Variants in SLC44A5 observed in about 807,000 individuals in gnomAD.
SLC44A5 encodes the protein choline transporter-like protein 5.
In SLC44A5, 57 loss-of-function variants were observed where a neutral mutation model predicts 101.8. That is an observed-to-expected ratio of 0.56 (90% confidence interval 0.45 to 0.70). SLC44A5 has a LOEUF of 0.70. Among genes scored for constraint, SLC44A5 ranks in the 30% least tolerant of loss-of-function variants. The pLI, the probability that SLC44A5 is intolerant of heterozygous loss-of-function variation, is 0.00. For missense variants in SLC44A5, 737 were observed against 853.1 expected, an observed-to-expected ratio of 0.86 and a Z score of 1.70; for synonymous variants, 281 against 290.9, an observed-to-expected ratio of 0.97 and a Z score of 0.35.
chr1:75,578,224 T>A (rs974370159), intron 1 of SLC44A5, among the ~76,000 whole-genome samples: 1 of 152,138 alleles, frequency 6.6e-6, no homozygotes, highest in African/African-American at 2.4e-5. Context: ...TGGTTCTGTA[T>A]TCATTTTTTA....
Position 75,537,033 on chromosome 1 carries a change from A to ATATATATAT in SLC44A5, c.13+4401_13+4402insATATATATA, listed in dbSNP as rs568318690. Reference sequence around the variant, plus strand: ...AAAAAAAAAAAAAAAAAAAAAAAAAAATATATATCTATGCCAAATGATTCT... The same window carrying ATATATATAT: ...AAAAAAAAAAAAAAAAAAAAAAAAAATATATATATATATATATCTATGCCAAATGATTCT... On this transcript the variant is annotated intron_variant, in intron 2 of 23. Coordinates refer to ENST00000370859, the MANE Select transcript of SLC44A5 (RefSeq NM_001130058.2). 3.9e-4 allele frequency among the ~76,000 whole-genome samples: 17 copies of ATATATATAT among 43,044 alleles called. 1 individual carries two copies. Among genetic ancestry groups the ATATATATAT allele is most frequent in the South Asian group, 1.1e-3 (1 of 910 alleles). 28.2% of individuals were successfully genotyped at this position (43,044 alleles called of 152,430 possible). A position where few individuals can be genotyped will look rare whatever the true frequency, so the allele number is the denominator to read the frequency against.
At chr1:75,283,445 G>A (rs1446882042) in intron 5 of SLC44A5, among the ~76,000 whole-genome samples, 2 of 152,104 alleles carry the variant, frequency 1.3e-5, no homozygotes, top group Non-Finnish European at 2.9e-5. Context: ...CCAACTCTGT[G>A]TGTTGTCTGT....
rs368912315 is a variant in SLC44A5, at chr1:75,275,016, C to A, written c.202G>T (p.Ala68Ser). 17 of 1,612,746 alleles carry A rather than the reference C, an allele frequency of 1.1e-5. No individual in the cohort carries two copies. The highest frequency in any genetic ancestry group is 1.4e-5 in the Non-Finnish European group (17 of 1,179,428). The change falls in exon 6 of 24, where the codon GCA (alanine) becomes TCA (serine). Residue 68 changes from alanine (A) to serine (S), a missense_variant. Around this residue, in one of 3 missense-constraint regions of SLC44A5, gnomAD observed 665 missense variants for 764.4 expected, o/e 0.87. Coordinates refer to ENST00000370859, the MANE Select transcript of SLC44A5 (RefSeq NM_001130058.2). ...VAWVHGDPRR[A>S]AYPTDSQGHF... ...CCCTGGCTGTCTGTAGGATAGGCTG[C>A]TCTTCTGGGGTCCCCATGTACCCAG...
At chr1:75,267,505 T>A (rs942372570) in intron 6 of SLC44A5, among the ~76,000 whole-genome samples, 5 of 152,150 alleles carry the variant, frequency 3.3e-5, no homozygotes, top group Non-Finnish European at 4.4e-5. Flanking sequence ...ATACTCAATT[T>A]TCTGTCATGA....
intron 2 of SLC44A5, among the ~76,000 whole-genome samples, chr1:75,536,972 C>CCGCAG (rs1398894258): frequency 8.7e-6 from 1 of 115,176 alleles, no homozygotes; most frequent in African/African-American, 3.3e-5. Flanking sequence ...CGCCACTGCA[C>CCGCAG]TCCAGCCTGG....
At chr1:75,641,928 T>C in the SLC44A5 span, 3 of 1,606,164 alleles carry the variant, frequency 1.9e-6, no homozygotes. Context: ...GATTTGGATT[T>C]CTTTGCCATG....
intron 2 of SLC44A5, among the ~76,000 whole-genome samples, chr1:75,469,322 A>G (rs1269925894): frequency 6.6e-6 from 1 of 152,210 alleles, no homozygotes; most frequent in Non-Finnish European, 1.5e-5. Context: ...TTGAAGACTA[A>G]CTGATTGATA....
chr1:75,235,239 GA>G (rs1302164105), intron 11 of SLC44A5, among the ~76,000 whole-genome samples: 2 of 150,648 alleles, frequency 1.3e-5, no homozygotes, highest in East Asian at 1.9e-4. Context: ...AATGTCAGAG[GA>G]AAAAAAACAA....
At chr1:75,258,743 CA>C (rs1650236490) in intron 6 of SLC44A5, among the ~76,000 whole-genome samples, 2 of 152,222 alleles carry the variant, frequency 1.3e-5, no homozygotes, top group East Asian at 3.9e-4. Context: ...AGACACCTCC[CA>C]GTAGGCGCCA....
At chr1:75,234,166 C>G (rs1296096671) in intron 11 of SLC44A5, 68 bp from the exon 12 acceptor site, 1 of 1,088,720 alleles carries the variant, frequency 9.2e-7, no homozygotes, top group Non-Finnish European at 1.4e-6. Flanking sequence ...AACATCAAGA[C>G]AAAACTTTTT....
intron 3 of SLC44A5, among the ~76,000 whole-genome samples, chr1:75,392,145 G>A (rs781401747): frequency 1.3e-5 from 2 of 151,522 alleles, no homozygotes; most frequent in Non-Finnish European, 2.9e-5. Flanking sequence ...ATGGGAACCT[G>A]TCTCAAAAAA....
intron 1 of SLC44A5, among the ~76,000 whole-genome samples, chr1:75,544,775 C>T (rs1671552877): frequency 6.6e-6 from 1 of 152,224 alleles, no homozygotes; most frequent in Non-Finnish European, 1.5e-5. Flanking sequence ...CAAGATCACA[C>T]ATTACATGTA....
chr1:75,387,260 A>G (rs1661427161), intron 3 of SLC44A5, among the ~76,000 whole-genome samples: 1 of 151,542 alleles, frequency 6.6e-6, no homozygotes. Context: ...AACTACCATC[A>G]GAGTGAACAG....
At chr1:75,527,783 G>C (rs1670502022) in intron 2 of SLC44A5, among the ~76,000 whole-genome samples, 1 of 151,920 alleles carries the variant, frequency 6.6e-6, no homozygotes, top group East Asian at 1.9e-4. Flanking sequence ...CCAGTCAATG[G>C]ATTACCCTTG....
At chr1:75,242,320 G>A (rs756630216) in intron 8 of SLC44A5, among the ~76,000 whole-genome samples, 1 of 151,880 alleles carries the variant, frequency 6.6e-6, no homozygotes, top group Non-Finnish European at 1.5e-5. Context: ...GGAGGTGTGT[G>A]TCTTTGTCTT....
intron 1 of SLC44A5, among the ~76,000 whole-genome samples, chr1:75,549,461 T>C (rs1671822539): frequency 6.6e-6 from 1 of 152,170 alleles, no homozygotes; most frequent in African/African-American, 2.4e-5. Flanking sequence ...TATCACGATG[T>C]ATTGGATTAC....
At chr1:75,578,124 T>A (rs2102059952) in intron 1 of SLC44A5, among the ~76,000 whole-genome samples, 1 of 152,204 alleles carries the variant, frequency 6.6e-6, no homozygotes, top group South Asian at 2.1e-4. Context: ...TTATACTCCT[T>A]AAACAATCCA....
chr1:75,598,833 T>C (rs1306963872), intron 1 of SLC44A5, among the ~76,000 whole-genome samples: 1 of 152,142 alleles, frequency 6.6e-6, no homozygotes, highest in African/African-American at 2.4e-5. Flanking sequence ...GTACTAGGCT[T>C]AACACCTGGG....
the SLC44A5 span, among the ~76,000 whole-genome samples, chr1:75,674,017 T>C: frequency 6.6e-6 from 1 of 151,922 alleles, no homozygotes; most frequent in African/African-American, 2.4e-5. Flanking sequence ...CCAATGAACA[T>C]CTAAAAGCAT....
Sources: allele counts gnomAD v4.1 joint callset (sites outside exome capture counted in the v4.1 genomes callset), GRCh38; gene constraint gnomAD v4.1.1; regional missense constraint gnomAD v4.1.1; transcripts MANE v1.5; gene names NCBI Gene and HGNC (gene_info 2026-07-23, HGNC 2026-07-21).